The following TRMT11 variants were observed in gnomAD, a reference collection of about 807,000 sequenced individuals.
TRMT11 encodes tRNA methyltransferase 11.
A neutral mutation model predicts 62.8 loss-of-function variants in TRMT11; 53 were observed. The ratio of observed to expected loss-of-function variants is 0.84; its 90% CI spans 0.68 to 1.06. The LOEUF is 1.06. TRMT11 is among the 50% of genes least tolerant of loss of function. TRMT11 has a pLI of 0.00. For missense variants in TRMT11, 556 were observed against 553.4 expected, an observed-to-expected ratio of 1.00 and a Z score of -0.05; for synonymous variants, 188 against 190.3, an observed-to-expected ratio of 0.99 and a Z score of 0.10.
At chr6:126,091,493 G>A (rs527961189) in intron 17 of TRMT11, among the ~76,000 whole-genome samples, 120 of 152,270 alleles carry the variant, frequency 7.9e-4, no homozygotes, top group African/African-American at 2.8e-3. Context: ...AAGTTGCAGT[G>A]CCAGAGTCTC....
intron 12 of TRMT11, among the ~76,000 whole-genome samples, chr6:126,029,068 T>C (rs1359008833): frequency 1.3e-5 from 2 of 152,144 alleles, no homozygotes; most frequent in African/African-American, 2.4e-5. Flanking sequence ...CCTTTAGAGC[T>C]TCTTTTATAA....
At chr6:126,141,773 T>G (rs1054940913) in intron 21 of TRMT11, among the ~76,000 whole-genome samples, 2 of 152,114 alleles carry the variant, frequency 1.3e-5, no homozygotes, top group African/African-American at 4.8e-5. Context: ...TGCAAGATAT[T>G]AATAAATGCT....
chr6:126,168,541 A>C (rs1309488105), intron 21 of TRMT11, among the ~76,000 whole-genome samples: 1 of 152,134 alleles, frequency 6.6e-6, no homozygotes, highest in Non-Finnish European at 1.5e-5. Context: ...TTTTCCAAGA[A>C]GGAGTCTTGC....
At chr6:126,258,043 C>T in the TRMT11 span, 2 of 1,312,478 alleles carry the variant, frequency 1.5e-6, no homozygotes, top group South Asian at 1.2e-5. Context: ...GCAGCCTGGG[C>T]ATCCTCACTC....
chr6:126,231,230 T>C, the TRMT11 span, among the ~76,000 whole-genome samples: 3 of 152,176 alleles, frequency 2.0e-5, no homozygotes, highest in East Asian at 5.8e-4. Context: ...GTTCTTTTAA[T>C]AGGACCCCCC....
At chr6:126,038,437 C>CA (rs72178194) in intron 12 of TRMT11, among the ~76,000 whole-genome samples, 82,740 of 129,186 alleles carry the variant, frequency 0.64, 26,917 homozygotes, top group East Asian at 0.97. Context: ...TGCCCTGAGG[C>CA]AAAAAAAAAA....
the TRMT11 span, among the ~76,000 whole-genome samples, chr6:126,239,346 C>G: frequency 2.8e-3 from 426 of 152,080 alleles, 5 homozygotes; most frequent in African/African-American, 9.7e-3. Flanking sequence ...TGGCTGGTAC[C>G]GGTTGTTCCT....
intron 2 of TRMT11, among the ~76,000 whole-genome samples, chr6:125,995,152 A>G (rs1791288834): frequency 1.3e-5 from 2 of 152,218 alleles, no homozygotes; most frequent in Admixed American, 1.3e-4. Context: ...TGAAGAAAAA[A>G]GAAAAAAGCT....
the TRMT11 span, among the ~76,000 whole-genome samples, chr6:126,236,050 G>A: frequency 6.6e-6 from 1 of 152,190 alleles, no homozygotes; most frequent in Non-Finnish European, 1.5e-5. Context: ...AGTCACTTGT[G>A]ACCTGGGTTA....
intron 21 of TRMT11, among the ~76,000 whole-genome samples, chr6:126,138,537 A>G (rs901250081): frequency 6.6e-5 from 10 of 152,004 alleles, no homozygotes; most frequent in African/African-American, 1.9e-4. Flanking sequence ...TACCTGAGGT[A>G]AGGTGTTCTG....
At chr6:126,050,893 G>C (rs1193043387) in intron 16 of TRMT11, among the ~76,000 whole-genome samples, 2 of 152,138 alleles carry the variant, frequency 1.3e-5, no homozygotes, top group African/African-American at 4.8e-5. Context: ...GCACTACAGG[G>C]TCAAAGATTA....
At chr6:126,087,894 T>C (rs1338401731) in intron 17 of TRMT11, among the ~76,000 whole-genome samples, 1 of 152,238 alleles carries the variant, frequency 6.6e-6, no homozygotes, top group East Asian at 1.9e-4. Flanking sequence ...CTGACCACTT[T>C]GGCCATTTCT....
At chr6:126,151,846 C>CTTTCTTTCTTTG (rs1778051845) in intron 21 of TRMT11, among the ~76,000 whole-genome samples, 1 of 130,670 alleles carries the variant, frequency 7.7e-6, no homozygotes, top group African/African-American at 2.9e-5. Context: ...TTCTTTCTTT[C>CTTTCTTTCTTTG]TTTCTTTCTT....
At chr6:126,046,686 TG>T (rs1776070461) in intron 16 of TRMT11, among the ~76,000 whole-genome samples, 1 of 152,048 alleles carries the variant, frequency 6.6e-6, no homozygotes, top group African/African-American at 2.4e-5. Flanking sequence ...CACAGTCCTG[TG>T]GGGGAAGGGT....
intron 21 of TRMT11, among the ~76,000 whole-genome samples, chr6:126,165,050 G>C (rs1344226978): frequency 1.3e-5 from 2 of 152,090 alleles, no homozygotes; most frequent in Non-Finnish European, 2.9e-5. Context: ...AGGCTTAGGT[G>C]GGCGAATCAC....
intron 7 of TRMT11, among the ~76,000 whole-genome samples, chr6:126,003,593 T>C (rs1004197271): frequency 6.6e-6 from 1 of 152,078 alleles, no homozygotes; most frequent in Admixed American, 6.6e-5. Flanking sequence ...AAAAATGATA[T>C]CTCAATGTAG....
intron 17 of TRMT11, among the ~76,000 whole-genome samples, chr6:126,091,894 A>T (rs1777281633): frequency 6.6e-6 from 1 of 152,266 alleles, no homozygotes; most frequent in Middle Eastern, 3.4e-3. Context: ...ATTTCTTGAG[A>T]TCTTTTCAGT....
At chr6:126,140,410 T>C (rs1235340471) in intron 21 of TRMT11, among the ~76,000 whole-genome samples, 1 of 152,130 alleles carries the variant, frequency 6.6e-6, no homozygotes, top group African/African-American at 2.4e-5. Flanking sequence ...ATTTCTTATC[T>C]TTGTCTTTAC....
At chr6:126,109,220 A>G (rs1777498871) in intron 17 of TRMT11, among the ~76,000 whole-genome samples, 1 of 152,160 alleles carries the variant, frequency 6.6e-6, no homozygotes, top group South Asian at 2.1e-4. Context: ...ACAAACTTGT[A>G]TTTCACCAGT....
Sources: allele counts gnomAD v4.1 joint callset (sites outside exome capture counted in the v4.1 genomes callset), GRCh38; gene constraint gnomAD v4.1.1; transcripts MANE v1.5; gene names NCBI Gene and HGNC (gene_info 2026-07-23, HGNC 2026-07-21).